Variants in OPCML observed in about 807,000 individuals in gnomAD.
OPCML encodes the protein opioid-binding protein/cell adhesion molecule.
A neutral mutation model predicts 37.8 loss-of-function variants in OPCML; 13 were observed. The observed-to-expected ratio is 0.34, with a 90% CI of 0.22 to 0.55. The LOEUF is 0.55. OPCML is among the 20% of genes least tolerant of loss of function. The pLI is 0.91. For synonymous variants in OPCML, 176 were observed against 168.8 expected (o/e 1.04, Z -0.33); for missense variants, 341 against 435.6 (o/e 0.78, Z 1.93).
intron 2 of OPCML, among the ~76,000 whole-genome samples, chr11:132,695,541 A>C (rs566635615): frequency 2.7e-4 from 41 of 152,218 alleles, no homozygotes; most frequent in Non-Finnish European, 5.0e-4. Context: ...TTTCATGACC[A>C]GGCTGAATAA....
chr11:132,867,129 G>A (rs1942596355), intron 2 of OPCML, among the ~76,000 whole-genome samples: 1 of 152,218 alleles, frequency 6.6e-6, no homozygotes, highest in Non-Finnish European at 1.5e-5. Context: ...GATGAGGAAA[G>A]TGATCTCTCA....
chr11:133,157,897 T>C (rs1210588610), intron 1 of OPCML, among the ~76,000 whole-genome samples: 3 of 152,132 alleles, frequency 2.0e-5, no homozygotes, highest in Admixed American at 2.0e-4. Flanking sequence ...TCCAAAAACA[T>C]ATCATTCTGC....
At chr11:133,048,342 C>G (rs777350618) in intron 1 of OPCML, among the ~76,000 whole-genome samples, 1 of 151,954 alleles carries the variant, frequency 6.6e-6, no homozygotes, top group African/African-American at 2.4e-5. Flanking sequence ...TACAAGCAGA[C>G]GGACTAGAGA....
At chr11:133,201,959 G>A (rs533019686) in intron 1 of OPCML, among the ~76,000 whole-genome samples, 9 of 152,078 alleles carry the variant, frequency 5.9e-5, no homozygotes, top group East Asian at 3.9e-4. Context: ...ATTGTTCAAC[G>A]TGCTGAGAAA....
intron 1 of OPCML, among the ~76,000 whole-genome samples, chr11:133,417,574 GC>G (rs1012788187): frequency 1.3e-5 from 2 of 151,884 alleles, no homozygotes; most frequent in Non-Finnish European, 1.5e-5. Flanking sequence ...ATGTTGGTGT[GC>G]TGCACCCATT....
At chr11:132,582,102 CTTTGTGTGTGTGTGTGTGTG>C (rs1217048096) in intron 3 of OPCML, among the ~76,000 whole-genome samples, 1 of 99,814 alleles carries the variant, frequency 1.0e-5, no homozygotes, top group Non-Finnish European at 2.0e-5. Context: ...TTCACACATA[CTTTGTGTGTGTGTGTGTGTG>C]TGTGTGTGTG....
At chr11:132,706,554 G>C (rs1235986057) in intron 2 of OPCML, among the ~76,000 whole-genome samples, 2 of 152,170 alleles carry the variant, frequency 1.3e-5, no homozygotes, top group Non-Finnish European at 1.5e-5. Flanking sequence ...AAGTGCAGAA[G>C]TCAACCCTCT....
At chr11:133,469,857 A>C (rs1424291674) in intron 1 of OPCML, among the ~76,000 whole-genome samples, 5 of 152,124 alleles carry the variant, frequency 3.3e-5, no homozygotes, top group African/African-American at 1.2e-4. Flanking sequence ...GTCTCTTATA[A>C]AATTCTGCCC....
chr11:132,679,402 T>C (rs1225434617), intron 2 of OPCML, among the ~76,000 whole-genome samples: 1 of 152,188 alleles, frequency 6.6e-6, no homozygotes, highest in African/African-American at 2.4e-5. Flanking sequence ...GTGAAATATA[T>C]TCAGCCATAT....
intron 1 of OPCML, among the ~76,000 whole-genome samples, chr11:133,463,847 T>C (rs1268392216): frequency 6.6e-6 from 1 of 152,206 alleles, no homozygotes; most frequent in African/African-American, 2.4e-5. Flanking sequence ...CATGAAAAGA[T>C]TCAAGAGGAC....
At chr11:133,527,050 C>T (rs1189088143) in intron 1 of OPCML, among the ~76,000 whole-genome samples, 9 of 152,204 alleles carry the variant, frequency 5.9e-5, no homozygotes, top group Admixed American at 5.9e-4. Context: ...TGTCTCCAGC[C>T]CCAGGCAGCT....
chr11:133,246,828 A>G (rs890904802), intron 1 of OPCML, among the ~76,000 whole-genome samples: 7 of 152,252 alleles, frequency 4.6e-5, no homozygotes, highest in African/African-American at 1.7e-4. Flanking sequence ...TGATAGTACC[A>G]GTGGGAATGG....
At chr11:132,537,080 T>C (rs1276362713) in intron 3 of OPCML, among the ~76,000 whole-genome samples, 1 of 152,182 alleles carries the variant, frequency 6.6e-6, no homozygotes, top group Non-Finnish European at 1.5e-5. Flanking sequence ...AGTGAGCTCC[T>C]CCTGGGAACA....
At chr11:133,256,589 C>T (rs565061655) in intron 1 of OPCML, among the ~76,000 whole-genome samples, 38 of 152,192 alleles carry the variant, frequency 2.5e-4, no homozygotes, top group African/African-American at 8.4e-4. Flanking sequence ...GATGATTTTA[C>T]GTGATATGTG....
intron 1 of OPCML, among the ~76,000 whole-genome samples, chr11:133,455,212 A>G (rs1946650740): frequency 6.6e-6 from 1 of 152,234 alleles, no homozygotes; most frequent in Non-Finnish European, 1.5e-5. Context: ...TTCTTAAAAC[A>G]CCATGTCTCA....
At chr11:133,499,981 C>T (rs1947877848) in intron 1 of OPCML, among the ~76,000 whole-genome samples, 2 of 150,658 alleles carry the variant, frequency 1.3e-5, no homozygotes, top group Non-Finnish European at 3.0e-5. Context: ...AAGCAATTCT[C>T]CTGCCTCAGC....
chr11:133,168,184 T>C (rs918925342), intron 1 of OPCML, among the ~76,000 whole-genome samples: 2 of 152,198 alleles, frequency 1.3e-5, no homozygotes, highest in African/African-American at 4.8e-5. Flanking sequence ...TCCTTAACAC[T>C]GGACCAGTGA....
At chr11:133,246,078 TA>T (rs1364049552) in intron 1 of OPCML, among the ~76,000 whole-genome samples, 1 of 152,178 alleles carries the variant, frequency 6.6e-6, no homozygotes, top group Non-Finnish European at 1.5e-5. Flanking sequence ...TATACCTATG[TA>T]AAAAACCACT....
At chr11:133,456,923 G>A (rs1348275479) in intron 1 of OPCML, among the ~76,000 whole-genome samples, 1 of 152,138 alleles carries the variant, frequency 6.6e-6, no homozygotes, top group African/African-American at 2.4e-5. Flanking sequence ...CCAGGAGGAG[G>A]AAAGAGAGAA....
Sources: allele counts gnomAD v4.1 joint callset (sites outside exome capture counted in the v4.1 genomes callset), GRCh38; gene constraint gnomAD v4.1.1; transcripts MANE v1.5; gene names NCBI Gene and HGNC (gene_info 2026-07-23, HGNC 2026-07-21).